Variants in NEDD4L observed in about 807,000 individuals in gnomAD.
NEDD4L encodes E3 ubiquitin-protein ligase NEDD4-like.
In NEDD4L, 54 loss-of-function variants were observed where a neutral mutation model predicts 148.9. That is an observed-to-expected ratio of 0.36 (90% CI 0.29 to 0.45). The LOEUF (loss-of-function observed/expected upper bound fraction) is 0.45, where lower values mean the gene tolerates loss of function less well. Among genes scored for constraint, NEDD4L ranks in the 20% least tolerant of loss-of-function variants. The pLI is 1.00. For missense variants in NEDD4L, 856 were observed against 1,233.8 expected (o/e 0.69, Z 4.59); for synonymous variants, 433 against 440.7 (o/e 0.98, Z 0.22).
intron 5 of NEDD4L, among the ~76,000 whole-genome samples, chr18:58,253,082 A>G (rs2048115696): frequency 6.6e-6 from 1 of 152,220 alleles, no homozygotes; most frequent in Non-Finnish European, 1.5e-5. Flanking sequence ...TGGTATGTTG[A>G]CTGGTTAAAA....
chr18:58,378,115 C>T (rs990387029), intron 24 of NEDD4L, among the ~76,000 whole-genome samples: 8 of 152,280 alleles, frequency 5.3e-5, no homozygotes, highest in African/African-American at 1.9e-4. Flanking sequence ...AGACCATGGG[C>T]AGCAGCCATA....
Position 58,335,495 on chromosome 18 carries a change from G to A in NEDD4L, c.1083G>A (p.Gly361=). ...ATTCACAGCCCAGTGCCCCAGCTGG[G>A]AGAGCGCGTTCATCAACTGTCACGG... ...GHLPPPSAPA[G]RARSSTVTGG... The change falls in exon 13 of 31, where the codon GGG becomes GGA. Residue 361 remains glycine, a synonymous_variant. Coordinates refer to ENST00000400345, the MANE Select transcript of NEDD4L (RefSeq NM_001144967.3). The A allele has an allele frequency of 6.2e-7, 1 of 1,613,634 alleles. No homozygotes were observed. The highest frequency in any genetic ancestry group is 8.5e-7 in the Non-Finnish European group (1 of 1,179,638).
intron 24 of NEDD4L, among the ~76,000 whole-genome samples, chr18:58,373,508 A>G (rs1307023100): frequency 6.6e-6 from 1 of 152,236 alleles, no homozygotes; most frequent in African/African-American, 2.4e-5. Flanking sequence ...GGCATGAACC[A>G]GCACCTCTTC....
intron 28 of NEDD4L, among the ~76,000 whole-genome samples, chr18:58,389,866 A>G (rs1161494380): frequency 6.6e-6 from 1 of 151,814 alleles, no homozygotes; most frequent in Non-Finnish European, 1.5e-5. Context: ...ATGGGGTCTC[A>G]CTGTGTTGCC....
intron 2 of NEDD4L, among the ~76,000 whole-genome samples, chr18:58,220,913 G>T (rs771141832): frequency 1.4e-4 from 21 of 152,122 alleles, no homozygotes; most frequent in Admixed American, 3.9e-4. Context: ...GGGTCCCAGG[G>T]TAGAGCTCTG....
chr18:58,333,273 A>T (rs933359075), intron 11 of NEDD4L, among the ~76,000 whole-genome samples: 9 of 148,512 alleles, frequency 6.1e-5, no homozygotes, highest in African/African-American at 2.1e-4. Context: ...ACAAGACTCT[A>T]TATTTAAAAA....
chr18:58,094,972 A>G (rs376860667), intron 1 of NEDD4L, among the ~76,000 whole-genome samples: 3 of 151,838 alleles, frequency 2.0e-5, no homozygotes, highest in Admixed American at 6.6e-5. Flanking sequence ...ACCCCATGTC[A>G]TTAGCCCTTT....
At position 58,218,509 on chromosome 18, in the gene NEDD4L, T is replaced by A. The variant is rs188639605; in HGVS notation, c.123-26918T>A. The stretch of plus-strand genomic sequence containing the variant: ...CTTCTGGGAGACCCACCCCTGGTCT[T>A]CCCAGGTGTCTCTTCAGTGACCTTG... On this transcript the variant is annotated intron_variant, in intron 2 of 30. Coordinates refer to ENST00000400345, the MANE Select transcript of NEDD4L (RefSeq NM_001144967.3). 7.2e-5 allele frequency among the ~76,000 whole-genome samples: 11 copies of A among 152,348 alleles called. No homozygotes were observed. In the East Asian group the frequency reaches 1.7e-3, roughly 24 times the overall value.
At chr18:58,304,071 G>A (rs1440421635) in intron 5 of NEDD4L, among the ~76,000 whole-genome samples, 5 of 152,030 alleles carry the variant, frequency 3.3e-5, no homozygotes, top group Admixed American at 2.0e-4. Context: ...GTTTTGGATT[G>A]CACAAAACTG....
chr18:58,365,787 C>T (rs1036709530), intron 20 of NEDD4L, among the ~76,000 whole-genome samples: 3 of 152,172 alleles, frequency 2.0e-5, no homozygotes, highest in Admixed American at 6.5e-5. Context: ...TCCTGAGCAT[C>T]GCTAGTGGAT....
rs1281579701 is a variant in NEDD4L, at chr18:58,187,944, G to A, written c.122+22083G>A. Among the ~76,000 whole-genome samples, 7 of 152,162 alleles carry A rather than the reference G, an allele frequency of 4.6e-5. No individual in the cohort carries two copies. In the East Asian group the frequency reaches 1.3e-3, roughly 29 times the overall value. On this transcript the variant is annotated intron_variant, in intron 2 of 30. Transcript: ENST00000400345. The stretch of plus-strand genomic sequence containing the variant: ...GAGCTGGGAATGTGCTTGAGTCTCT[G>A]TTATCTCTTGTTTGCATTTTTCGCT...
intron 5 of NEDD4L, among the ~76,000 whole-genome samples, chr18:58,274,816 C>T (rs497045): frequency 1.3e-5 from 2 of 152,208 alleles, no homozygotes; most frequent in East Asian, 3.8e-4. Context: ...ATACTGTGCC[C>T]TGTGAGGCTC....
At chr18:58,383,452 C>T in intron 25 of NEDD4L, 133 bp downstream of exon 25, 1 of 605,918 alleles carries the variant, frequency 1.7e-6, no homozygotes, top group Non-Finnish European at 3.0e-6. Context: ...AAGGTAAGTT[C>T]TTTTCTGGCT....
At chr18:58,083,131 A>G (rs1232478427) in intron 1 of NEDD4L, among the ~76,000 whole-genome samples, 1 of 152,216 alleles carries the variant, frequency 6.6e-6, no homozygotes, top group African/African-American at 2.4e-5. Flanking sequence ...TAAAGGCTCA[A>G]TAAATGTTTA....
At chr18:58,387,772 GTAAGTAGAGGCCACT>G (rs2049239643) in intron 27 of NEDD4L, 7 of 312,126 alleles carry the variant, frequency 2.2e-5, no homozygotes, top group Non-Finnish European at 4.1e-5. Flanking sequence ...AACATGCCTA[GTAAGTAGAGGCCACT>G]GAGCAGAGCT....
intron 1 of NEDD4L, among the ~76,000 whole-genome samples, chr18:58,104,741 T>G (rs2145557487): frequency 6.6e-6 from 1 of 152,308 alleles, no homozygotes; most frequent in East Asian, 1.9e-4. Context: ...AACAATTGCA[T>G]TTTTTCCTTT....
At chr18:58,184,034 T>C (rs1011459713) in intron 2 of NEDD4L, among the ~76,000 whole-genome samples, 4 of 152,108 alleles carry the variant, frequency 2.6e-5, no homozygotes, top group Non-Finnish European at 4.4e-5. Context: ...CCAGGCGTGG[T>C]GGCGGGTGCC....
intron 2 of NEDD4L, among the ~76,000 whole-genome samples, chr18:58,181,314 A>G (rs759542639): frequency 6.6e-6 from 1 of 152,244 alleles, no homozygotes; most frequent in Non-Finnish European, 1.5e-5. Context: ...AATGAAGAGT[A>G]CTGTATTCAT....
At chr18:58,227,085 C>A (rs911846904) in intron 2 of NEDD4L, among the ~76,000 whole-genome samples, 5 of 152,242 alleles carry the variant, frequency 3.3e-5, no homozygotes, top group Non-Finnish European at 7.3e-5. Context: ...GTCCTCCTTG[C>A]TGTGCTTCTT....
Sources: gnomAD v4.1 joint callset for allele counts (sites outside exome capture counted in the v4.1 genomes callset) on GRCh38, gnomAD v4.1.1 for gene constraint, MANE v1.5 for transcripts, NCBI Gene and HGNC (gene_info 2026-07-23, HGNC 2026-07-21) for gene names.